The following EYA3 variants were observed in gnomAD, a reference collection of about 807,000 sequenced individuals.
The protein encoded by EYA3 is EYA transcriptional coactivator and phosphatase 3.
In EYA3, 39 loss-of-function variants were observed where a neutral mutation model predicts 80.0. The ratio of observed to expected loss-of-function variants is 0.49; its 90% CI spans 0.38 to 0.64. The LOEUF (loss-of-function observed/expected upper bound fraction) is 0.64. EYA3 is among the 30% of genes least tolerant of loss of function. The pLI is 0.00. For missense variants in EYA3, 523 were observed against 676.1 expected (o/e 0.77, Z 2.51); for synonymous variants, 206 against 232.8 (o/e 0.88, Z 1.05).
Position 28,035,561 on chromosome 1 carries a change from T to C in EYA3, c.344A>G (p.Tyr115Cys), listed in dbSNP as rs1245424756. The change falls in exon 6 of 18, where the codon TAT becomes TGT. Residue 115 changes from tyrosine (Y) to cysteine (C), a missense_variant. Physicochemically the swap from Tyr to Cys is radical, Grantham distance 194 (BLOSUM62 -2). Around this residue, in one of 2 missense-constraint regions of EYA3, gnomAD observed 304 missense variants for 343.3 expected, o/e 0.89. Coordinates refer to ENST00000373871, the MANE Select transcript of EYA3 (RefSeq NM_001990.4). ...TGCCTTACCAAAAGGAGGTAGTCCA[T>C]ACGTTTGGGTTGCCTGAGGGTAGAC... ...YAVYPQATQT[Y>C]GLPPFGALWP... The C allele has an allele frequency of 1.9e-6, 3 of 1,613,874 alleles. No homozygotes were observed. Among genetic ancestry groups the C allele is most frequent in the Admixed American group, 1.7e-5 (1 of 59,966 alleles).
At chr1:28,047,068 C>G (rs1300728983) in intron 3 of EYA3, among the ~76,000 whole-genome samples, 2 of 151,530 alleles carry the variant, frequency 1.3e-5, no homozygotes, top group Non-Finnish European at 2.9e-5. Context: ...AGGCTGGTCT[C>G]AAACTACTGA....
chr1:28,060,985 G>A lies in EYA3; in HGVS notation c.-68-2891C>T, dbSNP rs139273400. The stretch of plus-strand genomic sequence containing the variant: ...GCTGAGATCGCACCACTGCACTCCA[G>A]CTTGGTGACAGAGTGAGACTCTGTC... On this transcript the variant is annotated intron_variant, in intron 1 of 17. Coordinates refer to ENST00000373871, the MANE Select transcript of EYA3 (RefSeq NM_001990.4). Among the ~76,000 whole-genome samples, 90 of 152,306 alleles carry A rather than the reference G, an allele frequency of 5.9e-4. 1 individual carries two copies. In the East Asian group the frequency reaches 0.017, roughly 28 times the overall value.
intron 5 of EYA3, among the ~76,000 whole-genome samples, chr1:28,038,026 C>T (rs1643547874): frequency 6.6e-6 from 1 of 152,090 alleles, no homozygotes; most frequent in African/African-American, 2.4e-5. Flanking sequence ...AGATGAAAAA[C>T]CTGGCTGATA....
intron 16 of EYA3, among the ~76,000 whole-genome samples, chr1:27,985,882 T>C (rs1484799456): frequency 2.6e-5 from 4 of 152,132 alleles, no homozygotes; most frequent in Non-Finnish European, 5.9e-5. Context: ...ACACTTGGCC[T>C]GTACTCACTT....
At chr1:28,054,354 C>CA (rs1309719802) in intron 2 of EYA3, among the ~76,000 whole-genome samples, 2 of 151,934 alleles carry the variant, frequency 1.3e-5, no homozygotes, top group Non-Finnish European at 2.9e-5. Context: ...CTGATGGAGG[C>CA]AAAAAAATCT....
At chr1:27,982,426 G>GTT (rs1557523041) in intron 16 of EYA3, among the ~76,000 whole-genome samples, 5 of 150,340 alleles carry the variant, frequency 3.3e-5, no homozygotes, top group African/African-American at 1.2e-4. Flanking sequence ...GATGACAGGC[G>GTT]TGAGCCACTC....
In EYA3 at chr1:27,971,198, C is replaced by T. The variant is rs1571681446; in HGVS notation, c.*3268G>A. ...TGATGCTAAGGCACAGTCAGTTTTACATTCGAAAGTCAAGCCACCTCCTCA... is the reference window on the plus strand; with the variant it reads ...TGATGCTAAGGCACAGTCAGTTTTATATTCGAAAGTCAAGCCACCTCCTCA... On this transcript the variant is annotated 3_prime_UTR_variant, in exon 18 of 18. Transcript: ENST00000373871. 2 of 152,328 alleles carry T rather than the reference C, an allele frequency of 1.3e-5. No individual in the cohort carries two copies. Among genetic ancestry groups the T allele is most frequent in the Non-Finnish European group, 2.9e-5 (2 of 68,168 alleles). The allele number at this position is 152,328 out of a possible 1,614,324, so 9.4% of individuals were successfully genotyped here.
intron 2 of EYA3, among the ~76,000 whole-genome samples, chr1:28,054,712 T>C (rs1644379416): frequency 1.3e-5 from 2 of 151,744 alleles, no homozygotes; most frequent in South Asian, 2.1e-4. Flanking sequence ...TACAAAAAAA[T>C]TAGTTGGGTG....
In EYA3 at chr1:27,973,840, A is replaced by C. The variant is rs1262524391; in HGVS notation, c.*626T>G. ...AACACCCCTTCTTGCTAGAAAAAGA[A>C]AGTGGGGGAAACCTGCGTCAAAGAT... On this transcript the variant is annotated 3_prime_UTR_variant, in exon 18 of 18. Transcript: ENST00000373871. 1 of 152,226 alleles carries C rather than the reference A, an allele frequency of 6.6e-6. No individual in the cohort carries two copies. The highest frequency in any genetic ancestry group is 1.9e-4 in the East Asian group (1 of 5,200). The allele number at this position is 152,226 out of a possible 1,614,324, so 9.4% of individuals were successfully genotyped here.
intron 1 of EYA3, among the ~76,000 whole-genome samples, chr1:28,082,762 G>A (rs1645476802): frequency 6.6e-6 from 1 of 151,962 alleles, no homozygotes; most frequent in African/African-American, 2.4e-5. Flanking sequence ...ATACTCTGAA[G>A]GTAAAAGAAA....
chr1:28,057,939 C>T, intron 2 of EYA3, 55 bp downstream of exon 2: 1 of 1,036,096 alleles, frequency 9.7e-7, no homozygotes. Context: ...TAATTAAAAT[C>T]TCTTAAGATT....
At chr1:27,991,536 A>T (rs906526264) in intron 14 of EYA3, among the ~76,000 whole-genome samples, 1 of 152,224 alleles carries the variant, frequency 6.6e-6, no homozygotes, top group Non-Finnish European at 1.5e-5. Context: ...GTTAAAAAAA[A>T]ATCCTGTATT....
chr1:28,078,443 G>C (rs1645300655), intron 1 of EYA3, among the ~76,000 whole-genome samples: 1 of 152,196 alleles, frequency 6.6e-6, no homozygotes, highest in South Asian at 2.1e-4. Context: ...ACTCTCAGGA[G>C]CTCCAACTGT....
At chr1:28,039,716 T>C (rs1643666567) in intron 4 of EYA3, among the ~76,000 whole-genome samples, 1 of 152,158 alleles carries the variant, frequency 6.6e-6, no homozygotes, top group Non-Finnish European at 1.5e-5. Context: ...TGATCAAAAG[T>C]AGATGAGGGG....
At position 28,043,944 on chromosome 1, in the gene EYA3, A is replaced by G. The variant is rs113960734; in HGVS notation, c.78-1294T>C. ...TTCTACTATATTTCTCTTATCTCCC[A>G]GTTAAATAAAACACAAACACCTCAT... is the stretch of plus-strand genomic sequence containing the variant. On this transcript the variant is annotated intron_variant, in intron 3 of 17. Coordinates refer to ENST00000373871, the MANE Select transcript of EYA3 (RefSeq NM_001990.4). 7.7e-3 allele frequency among the ~76,000 whole-genome samples: 1,170 copies of G among 152,344 alleles called. 10 individuals carry two copies. The highest frequency in any genetic ancestry group is 0.051 in the Middle Eastern group (15 of 294).
At chr1:27,981,556 AC>A (rs1477877862) in intron 16 of EYA3, among the ~76,000 whole-genome samples, 3 of 152,112 alleles carry the variant, frequency 2.0e-5, no homozygotes, top group Non-Finnish European at 4.4e-5. Context: ...AAATAATTCA[AC>A]CATACAAAAA....
chr1:28,038,070 C>T (rs1009956906), intron 5 of EYA3, among the ~76,000 whole-genome samples: 1 of 137,654 alleles, frequency 7.3e-6, no homozygotes, highest in African/African-American at 2.8e-5. Flanking sequence ...AGGCCCAAAA[C>T]ATAACCTCTT....
intron 1 of EYA3, among the ~76,000 whole-genome samples, 167 bp downstream of exon 1, chr1:28,088,357 G>A (rs975568741): frequency 6.6e-6 from 1 of 152,142 alleles, no homozygotes; most frequent in Non-Finnish European, 1.5e-5. Context: ...GGTGAATAAG[G>A]CGAGGCCAGC....
intron 6 of EYA3, among the ~76,000 whole-genome samples, chr1:28,032,739 T>G (rs1284536529): frequency 1.3e-5 from 2 of 152,236 alleles, no homozygotes; most frequent in Non-Finnish European, 2.9e-5. Context: ...ATTTCTTTAC[T>G]TTAAAAGATT....
Sources: allele counts gnomAD v4.1 joint callset (sites outside exome capture counted in the v4.1 genomes callset), GRCh38; gene constraint gnomAD v4.1.1; regional missense constraint gnomAD v4.1.1; transcripts MANE v1.5; gene names NCBI Gene and HGNC (gene_info 2026-07-23, HGNC 2026-07-21).